ACTR3: variants seen among roughly 807,000 people sequenced by gnomAD.
ACTR3 encodes actin-related protein 3.
Under a neutral mutation model 56.8 loss-of-function variants are expected in ACTR3, and 12 were observed. The observed-to-expected ratio is 0.21, with a 90% confidence interval of 0.14 to 0.34. ACTR3 has a LOEUF of 0.34. Among genes scored for constraint, ACTR3 ranks in the 10% least tolerant of loss-of-function variants. The pLI, the probability that ACTR3 is intolerant of heterozygous loss-of-function variation, is 1.00. For synonymous variants in ACTR3, 162 were observed against 167.4 expected, an observed-to-expected ratio of 0.97 and a Z score of 0.25; for missense variants, 282 against 512.5, an observed-to-expected ratio of 0.55 and a Z score of 4.34.
At chr2:113,906,733 C>T (rs1255421120) in intron 1 of ACTR3, among the ~76,000 whole-genome samples, 1 of 152,146 alleles carries the variant, frequency 6.6e-6, no homozygotes. Context: ...GTCCTTTCTT[C>T]ATCTTAGTAG....
intron 8 of ACTR3, among the ~76,000 whole-genome samples, chr2:113,945,779 T>A (rs2104623381): frequency 6.6e-6 from 1 of 152,304 alleles, no homozygotes; most frequent in South Asian, 2.1e-4. Context: ...TGTTTCCTGA[T>A]CCTCTCCCTC....
chr2:113,923,318 A>ATTTG (rs139721258), intron 3 of ACTR3, among the ~76,000 whole-genome samples: 1,666 of 54,726 alleles, frequency 0.03, 25 homozygotes, highest in African/African-American at 0.055. Flanking sequence ...AACATGGAAT[A>ATTTG]TTTGTTTGTT....
chr2:113,892,255 C>T (rs1001175824), intron 1 of ACTR3, among the ~76,000 whole-genome samples: 2 of 152,186 alleles, frequency 1.3e-5, no homozygotes, highest in African/African-American at 4.8e-5. Flanking sequence ...GCTGAATGAC[C>T]AGTAGGATCG....
intron 1 of ACTR3, among the ~76,000 whole-genome samples, chr2:113,894,178 C>T (rs1678960577): frequency 6.6e-6 from 1 of 151,738 alleles, no homozygotes; most frequent in Non-Finnish European, 1.5e-5. Context: ...CAACCTCCTT[C>T]TGCCTCCTGG....
At chr2:113,934,105 G>C (rs2104611995) in intron 5 of ACTR3, 174 bp from the exon 6 acceptor site, 1 of 558,782 alleles carries the variant, frequency 1.8e-6, no homozygotes, top group Non-Finnish European at 3.1e-6. Flanking sequence ...TGTAGGGAGT[G>C]AGCTATTTTA....
At chr2:113,943,076 C>T (rs1044286490) in intron 8 of ACTR3, among the ~76,000 whole-genome samples, 2 of 152,142 alleles carry the variant, frequency 1.3e-5, no homozygotes, top group Non-Finnish European at 2.9e-5. Flanking sequence ...TTATCTTGCT[C>T]TTACTGAGCT....
chr2:113,924,028 C>T (rs1679570463), intron 3 of ACTR3, among the ~76,000 whole-genome samples: 1 of 151,010 alleles, frequency 6.6e-6, no homozygotes, highest in Admixed American at 6.6e-5. Flanking sequence ...AGCTGGAAAC[C>T]TGTTGGCATC....
chr2:113,889,996 G>A (rs1375318881), upstream of ACTR3: 12 of 535,372 alleles, frequency 2.2e-5, no homozygotes, highest in East Asian at 3.4e-4. Context: ...GTGAGGGGAA[G>A]AAGTTGTAGG....
At chr2:113,891,209 T>C (rs544349297) in intron 1 of ACTR3, among the ~76,000 whole-genome samples, 34 of 152,302 alleles carry the variant, frequency 2.2e-4, no homozygotes, top group Admixed American at 1.9e-3. Flanking sequence ...TGTACTTATG[T>C]TTCATGGAGT....
At chr2:113,912,184 A>AT (rs71297189) in intron 1 of ACTR3, among the ~76,000 whole-genome samples, 7,220 of 148,784 alleles carry the variant, frequency 0.049, 224 homozygotes, top group Non-Finnish European at 0.072. Flanking sequence ...CCCCCAGCAG[A>AT]TTTTTTTTTT....
chr2:113,931,253 T>C, intron 4 of ACTR3, 48 bp from the exon 5 acceptor site: 2 of 1,165,180 alleles, frequency 1.7e-6, no homozygotes, highest in Non-Finnish European at 2.4e-6. Flanking sequence ...AAGAAAGTTA[T>C]CAAAATAATC....
At chr2:113,896,569 A>G (rs1358953987) in intron 1 of ACTR3, among the ~76,000 whole-genome samples, 1 of 152,274 alleles carries the variant, frequency 6.6e-6, no homozygotes, top group Non-Finnish European at 1.5e-5. Context: ...ATGATGATTT[A>G]TAATTGGAAA....
At chr2:113,953,564 T>C (rs930933471) in intron 10 of ACTR3, 2 of 152,180 alleles carry the variant, frequency 1.3e-5, no homozygotes, top group African/African-American at 4.8e-5. Context: ...CTTTTATAGA[T>C]CTTAATAGCA....
chr2:113,917,942 A>C (rs1205098796), intron 3 of ACTR3, among the ~76,000 whole-genome samples: 1 of 152,182 alleles, frequency 6.6e-6, no homozygotes, highest in Non-Finnish European at 1.5e-5. Flanking sequence ...TAAATCTTTA[A>C]GCTGAGGCTT....
chr2:113,918,118 G>T (rs977653367), intron 3 of ACTR3, among the ~76,000 whole-genome samples: 3 of 152,184 alleles, frequency 2.0e-5, no homozygotes, highest in African/African-American at 7.2e-5. Flanking sequence ...GGCTGTATAG[G>T]TAGGCAGGAA....
chr2:113,925,120 C>T (rs1274336684), intron 3 of ACTR3, among the ~76,000 whole-genome samples: 2 of 151,272 alleles, frequency 1.3e-5, no homozygotes, highest in Non-Finnish European at 1.5e-5. Flanking sequence ...TGGTCTTGAA[C>T]TCCTGACCTC....
rs1307998154 is a variant in ACTR3 at position 113,951,471 on chromosome 2, T to C, written c.859-8T>C. 23 of 1,580,646 alleles carry C rather than the reference T, an allele frequency of 1.5e-5. No homozygotes were observed. The highest frequency in any genetic ancestry group is 1.8e-5 in the Non-Finnish European group (21 of 1,150,342). On this transcript the variant is annotated splice_polypyrimidine_tract_variant and splice_region_variant and intron_variant, in intron 8 of 11. Coordinates refer to ENST00000263238, the MANE Select transcript of ACTR3 (RefSeq NM_005721.5). ...TGATCTCTATTATATATCCAACTTA[T>C]TTTTCAGTTTGCTAATCCAGACTTT...
chr2:113,913,217 C>T lies in ACTR3; in HGVS notation c.90C>T (p.Ile30=). ...CTGGAAATACAGAACCACAGTTTAT[C>T]ATCCCTTCCTGTAAGTATTTCTTTT... The part of the protein sequence containing the change: ...GYAGNTEPQF[I]IPSCIAIKES... The change falls in exon 2 of 12, where the codon ATC becomes ATT. Residue 30 remains isoleucine (I), a synonymous_variant. Transcript: ENST00000263238. 2 of 1,592,136 alleles carry T rather than the reference C, an allele frequency of 1.3e-6. No individual in the cohort carries two copies. Among genetic ancestry groups the T allele is most frequent in the Non-Finnish European group, 1.7e-6 (2 of 1,169,432 alleles).
In ACTR3 at chr2:113,890,230, T is replaced by A. The variant is rs11538679; in HGVS notation, c.-50T>A. 1 of 1,550,154 alleles carries A rather than the reference T, an allele frequency of 6.5e-7. No homozygotes were observed. Among genetic ancestry groups the A allele is most frequent in the Non-Finnish European group, 8.7e-7 (1 of 1,146,534 alleles). ...TCTCCCGCCGCCAATCTCTGGCCCCTAGCAGCACGGAGCAGACGGCGGCAG... is the reference window on the plus strand; with the variant it reads ...TCTCCCGCCGCCAATCTCTGGCCCCAAGCAGCACGGAGCAGACGGCGGCAG... On this transcript the variant is annotated 5_prime_UTR_variant, in exon 1 of 12. Coordinates refer to ENST00000263238, the MANE Select transcript of ACTR3 (RefSeq NM_005721.5).
Sources: allele counts gnomAD v4.1 joint callset (sites outside exome capture counted in the v4.1 genomes callset), GRCh38; gene constraint gnomAD v4.1.1; transcripts MANE v1.5; gene names NCBI Gene and HGNC (gene_info 2026-07-23, HGNC 2026-07-21).